Variants in ADAMTS18 observed in about 807,000 individuals in gnomAD.
The protein encoded by ADAMTS18 is A disintegrin and metalloproteinase with thrombospondin motifs 18.
Under a neutral mutation model 165.9 loss-of-function variants are expected in ADAMTS18, and 157 were observed. That is an observed-to-expected ratio of 0.95 (90% CI 0.83 to 1.08). ADAMTS18 has a LOEUF of 1.08. Among genes scored for constraint, ADAMTS18 ranks in the 50% least tolerant of loss-of-function variants. ADAMTS18 has a pLI of 0.00. For missense variants in ADAMTS18, 2,040 were observed against 1,534.0 expected (o/e 1.33, Z -5.51); for synonymous variants, 782 against 578.2 (o/e 1.35, Z -5.06).
At chr16:77,330,606 T>C (rs964602413) in intron 12 of ADAMTS18, among the ~76,000 whole-genome samples, 1 of 152,114 alleles carries the variant, frequency 6.6e-6, no homozygotes, top group African/African-American at 2.4e-5. Context: ...CCCTGAGGCA[T>C]AGGAGGGCTC....
chr16:77,355,847 G>A, intron 9 of ADAMTS18, 93 bp downstream of exon 9: 2 of 1,445,018 alleles, frequency 1.4e-6, no homozygotes, highest in Non-Finnish European at 1.9e-6. Flanking sequence ...AGGTCAAAAG[G>A]TATTTCCACT....
chr16:77,301,526 G>A (rs79506035), intron 16 of ADAMTS18, among the ~76,000 whole-genome samples: 2,998 of 152,282 alleles, frequency 0.02, 115 homozygotes, highest in African/African-American at 0.069. Context: ...TGAATCTTGT[G>A]GAAAATTCTT....
intron 19 of ADAMTS18, among the ~76,000 whole-genome samples, chr16:77,294,222 G>A (rs918378112): frequency 2.0e-5 from 3 of 152,074 alleles, no homozygotes; most frequent in Non-Finnish European, 4.4e-5. Context: ...CTGTAGGGAA[G>A]GGCTTCTTCC....
rs368614258 is a variant in ADAMTS18, at chr16:77,283,711, G to T, written c.*245C>A. ...CTTGCATATAACAGTGCAAATCAAA[G>T]ATTTTTTTTAAAGTCAGATTTGTCA... On this transcript the variant is annotated 3_prime_UTR_variant, in exon 23 of 23. Transcript: ENST00000282849. The T allele has an allele frequency of 1.2e-5, 6 of 497,484 alleles. No individual in the cohort carries two copies. The highest frequency in any genetic ancestry group is 7.8e-5 in the African/African-American group (4 of 51,374). 30.8% of individuals were successfully genotyped at this position (497,484 alleles called of 1,614,324 possible). A position where few individuals can be genotyped will look rare whatever the true frequency, so the allele number is the denominator to read the frequency against.
intron 9 of ADAMTS18, among the ~76,000 whole-genome samples, chr16:77,355,599 C>T (rs1296136204): frequency 6.6e-6 from 1 of 152,124 alleles, no homozygotes. Flanking sequence ...AGAGTCAGAA[C>T]AGATCTAAGT....
intron 7 of ADAMTS18, among the ~76,000 whole-genome samples, chr16:77,361,002 C>T (rs2056704750): frequency 6.6e-6 from 1 of 152,128 alleles, no homozygotes; most frequent in African/African-American, 2.4e-5. Flanking sequence ...AGGAGAATCA[C>T]TTGAACATGG....
rs776092067 is a variant in ADAMTS18, at chr16:77,363,765, A to G, written c.1056+37T>C. The G allele has an allele frequency of 2.5e-6, 4 of 1,580,678 alleles. No homozygotes were observed. The African/African-American group carries it at 5.4e-5, about 21-fold the overall frequency. The stretch of plus-strand genomic sequence containing the variant: ...GTTCAAGAAATGTATTCTGAACGGC[A>G]GACTGAATGAAGACATAAATGAAGT... On this transcript the variant is annotated intron_variant, in intron 6 of 22. Coordinates refer to ENST00000282849, the MANE Select transcript of ADAMTS18 (RefSeq NM_199355.4).
At chr16:77,353,056 G>A (rs2056578314) in intron 10 of ADAMTS18, among the ~76,000 whole-genome samples, 1 of 151,948 alleles carries the variant, frequency 6.6e-6, no homozygotes, top group Non-Finnish European at 1.5e-5. Context: ...CTCAAGCCTG[G>A]GCAACACAGT....
intron 22 of ADAMTS18, among the ~76,000 whole-genome samples, chr16:77,286,502 A>C (rs955230364): frequency 2.0e-5 from 3 of 152,074 alleles, no homozygotes; most frequent in Admixed American, 6.5e-5. Context: ...TTAATACTCA[A>C]AACAGTCTTT....
intron 4 of ADAMTS18, among the ~76,000 whole-genome samples, chr16:77,365,315 C>A (rs141601871): frequency 6.6e-6 from 1 of 152,170 alleles, no homozygotes; most frequent in Non-Finnish European, 1.5e-5. Context: ...TCCTTTGGAT[C>A]TAAATTTATT....
chr16:77,297,404 C>A lies in ADAMTS18; in HGVS notation c.2686G>T (p.Val896Leu). ...SVSCGGGYIN[V>L]KAICLRDQNT... Reference sequence around the variant, plus strand: ...TGATCTCGCAAGCAAATGGCCTTTACATTTATGTAACCTGGTAAGACATCA... The same window carrying A: ...TGATCTCGCAAGCAAATGGCCTTTAAATTTATGTAACCTGGTAAGACATCA... Residue 896 changes from valine to leucine, a missense_variant, in exon 18 of 23, where the codon GTA (valine) becomes TTA (leucine). By Grantham distance (32) the Val-to-Leu change is conservative (BLOSUM62 1). Transcript: ENST00000282849. 2 of 1,612,672 alleles carry A rather than the reference C, an allele frequency of 1.2e-6. No homozygotes were observed. The highest frequency in any genetic ancestry group is 1.7e-6 in the Non-Finnish European group (2 of 1,178,754).
At chr16:77,335,066 G>A (rs2056286280) in intron 12 of ADAMTS18, among the ~76,000 whole-genome samples, 2 of 145,676 alleles carry the variant, frequency 1.4e-5, no homozygotes, top group East Asian at 2.0e-4. Context: ...TAGTATAATA[G>A]TATTATTTGA....
chr16:77,367,664 C>T lies in ADAMTS18; in HGVS notation c.555G>A (p.Leu185=), dbSNP rs750610324. 2 of 1,614,154 alleles carry T rather than the reference C, an allele frequency of 1.2e-6. No homozygotes were observed. The highest frequency in any genetic ancestry group is 1.7e-5 in the Admixed American group (1 of 60,014). ...EFLISPLPQL[L]AQEHNYSSPA... ...GGGAGCTGTAGTTGTGTTCCTGGGC[C>T]AGAAGCTGAGGTAATGGCGAGATGA... The change falls in exon 4 of 23, where the codon CTG becomes CTA. Residue 185 remains leucine (L), a synonymous_variant. Transcript: ENST00000282849.
At chr16:77,370,522 G>C (rs935860592) in intron 3 of ADAMTS18, among the ~76,000 whole-genome samples, 3 of 152,122 alleles carry the variant, frequency 2.0e-5, no homozygotes, top group Non-Finnish European at 2.9e-5. Context: ...GGCCGAGGTG[G>C]GTGGATCACT....
intron 10 of ADAMTS18, among the ~76,000 whole-genome samples, chr16:77,347,707 T>A (rs1314241975): frequency 6.6e-6 from 1 of 152,128 alleles, no homozygotes; most frequent in Non-Finnish European, 1.5e-5. Context: ...GATATATTAA[T>A]TTAGTATTTT....
At chr16:77,307,435 A>G (rs1328107456) in intron 16 of ADAMTS18, among the ~76,000 whole-genome samples, 1 of 152,218 alleles carries the variant, frequency 6.6e-6, no homozygotes, top group Admixed American at 6.5e-5. Flanking sequence ...GGATTTGGAA[A>G]TGCATCTGTT....
At chr16:77,290,458 G>A (rs1422208309) in intron 21 of ADAMTS18, 1 of 152,334 alleles carries the variant, frequency 6.6e-6, no homozygotes, top group South Asian at 2.1e-4. Context: ...CCAGCAATAT[G>A]TGTAACACCT....
chr16:77,426,189 C>A (rs1235614471), intron 3 of ADAMTS18, among the ~76,000 whole-genome samples: 1 of 152,116 alleles, frequency 6.6e-6, no homozygotes, highest in Non-Finnish European at 1.5e-5. Flanking sequence ...TCCTTTAAAC[C>A]TCTAAATTTT....
At chr16:77,373,921 AAT>A (rs1478935585) in intron 3 of ADAMTS18, among the ~76,000 whole-genome samples, 4 of 152,170 alleles carry the variant, frequency 2.6e-5, no homozygotes, top group African/African-American at 9.6e-5. Flanking sequence ...TCAGCTAGTA[AAT>A]ATTTGTTTCT....
Sources: allele counts gnomAD v4.1 joint callset (sites outside exome capture counted in the v4.1 genomes callset), GRCh38; gene constraint gnomAD v4.1.1; transcripts MANE v1.5; gene names NCBI Gene and HGNC (gene_info 2026-07-23, HGNC 2026-07-21).